Variants in LITAFD observed in about 807,000 individuals in gnomAD.
LITAFD encodes the protein LITAF domain containing.
At chr16:8,884,844 G>C (rs7205894) in intron 3 of LITAFD, among the ~76,000 whole-genome samples, 61,624 of 152,020 alleles carry the variant, frequency 0.41, 12,793 homozygotes, top group Middle Eastern at 0.52. Flanking sequence ...CAGCACTTTG[G>C]GAGGCCGAGG....
chr16:8,882,946 C>T (rs1306614216), intron 1 of LITAFD, among the ~76,000 whole-genome samples: 8 of 152,182 alleles, frequency 5.3e-5, no homozygotes, highest in Non-Finnish European at 1.0e-4. Context: ...AGTGATTCTC[C>T]TGCCTCGGCA....
intron 1 of LITAFD, among the ~76,000 whole-genome samples, 186 bp from the exon 2 acceptor site, chr16:8,883,024 T>C (rs1031228198): frequency 6.6e-6 from 1 of 152,004 alleles, no homozygotes; most frequent in Non-Finnish European, 1.5e-5. Flanking sequence ...GTAGTTGAGA[T>C]GGGGTTTCAC....
intron 3 of LITAFD, 141 bp downstream of exon 3, chr16:8,884,606 C>T (rs1420513484): frequency 1.3e-5 from 5 of 396,942 alleles, no homozygotes; most frequent in Non-Finnish European, 1.8e-5. Context: ...GGGGCCATTA[C>T]CTCCTTGAGA....
chr16:8,883,792 C>A (rs142219889), intron 2 of LITAFD, among the ~76,000 whole-genome samples: 1 of 152,148 alleles, frequency 6.6e-6, no homozygotes, highest in Non-Finnish European at 1.5e-5. Context: ...AGGTCAGGTG[C>A]GGTGGCTCAG....
At chr16:8,884,054 G>A (rs2061553725) in intron 2 of LITAFD, among the ~76,000 whole-genome samples, 1 of 152,162 alleles carries the variant, frequency 6.6e-6, no homozygotes. Context: ...GACAGAGTGA[G>A]ACTCCGTCTC....
Position 8,884,316 on chromosome 16 carries a change from C to A in LITAFD, c.-33-7C>A. 2.5e-6 allele frequency: 1 copy of A among 399,154 alleles called. No homozygotes were observed. Among genetic ancestry groups the A allele is most frequent in the South Asian group, 1.3e-4 (1 of 7,858 alleles). 24.7% of individuals were successfully genotyped at this position (399,154 alleles called of 1,614,324 possible). On this transcript the variant is annotated splice_region_variant and splice_polypyrimidine_tract_variant and intron_variant, in intron 2 of 3. Coordinates refer to ENST00000636296, the Ensembl canonical transcript of LITAFD. ...TCCCACCTGCTTCCCGCTTCCCACT[C>A]CCACAGCTGTATGCCGGCATGTCCG...
intron 2 of LITAFD, among the ~76,000 whole-genome samples, chr16:8,883,496 C>T (rs534152744): frequency 6.9e-4 from 105 of 152,192 alleles, no homozygotes; most frequent in African/African-American, 2.3e-3. Context: ...CAGTGGCCAC[C>T]GAAGCATCTC....
chr16:8,883,670 TA>T (rs1280417390), intron 2 of LITAFD, among the ~76,000 whole-genome samples: 3 of 152,164 alleles, frequency 2.0e-5, no homozygotes, highest in African/African-American at 7.2e-5. Context: ...TTTGGGAATT[TA>T]AACAAATTTT....
chr16:8,884,538 G>C (rs911431398), intron 3 of LITAFD, 73 bp downstream of exon 3: 1 of 398,186 alleles, frequency 2.5e-6, no homozygotes, highest in Non-Finnish European at 4.4e-6. Context: ...GTCCCTGCAG[G>C]GTAGGGGGAG....
At chr16:8,883,089 C>G (rs182767792) in intron 1 of LITAFD, 121 bp from the exon 2 acceptor site, 1 of 152,386 alleles carries the variant, frequency 6.6e-6, no homozygotes, top group Admixed American at 6.5e-5. Flanking sequence ...GCTGCCTTGG[C>G]CTCCCAAAGT....
At chr16:8,885,269 G>A (rs1596339257) in exon 4 of LITAFD, 4 of 399,078 alleles carry the variant, frequency 1.0e-5, no homozygotes, top group Non-Finnish European at 1.8e-5. Flanking sequence ...GTGTCAGCGC[G>A]AGCTCTTCTA....
intron 3 of LITAFD, 73 bp downstream of exon 3, chr16:8,884,538 G>T: frequency 2.5e-6 from 1 of 398,186 alleles, no homozygotes; most frequent in Non-Finnish European, 4.4e-6. Context: ...GTCCCTGCAG[G>T]GTAGGGGGAG....
chr16:8,883,077 C>T (rs1221161711), intron 1 of LITAFD, 133 bp from the exon 2 acceptor site: 2 of 152,234 alleles, frequency 1.3e-5, no homozygotes, highest in African/African-American at 4.8e-5. Flanking sequence ...CTCGGGTGCT[C>T]TGCTGCCTTG....
intron 3 of LITAFD, 178 bp from the exon 4 acceptor site, chr16:8,885,009 G>T (rs1482709195): frequency 2.5e-6 from 1 of 398,698 alleles, no homozygotes; most frequent in Non-Finnish European, 4.4e-6. Context: ...GGAGGCAGAG[G>T]TTGCAGTGAG....
chr16:8,884,626 A>G (rs1484361526), intron 3 of LITAFD, among the ~76,000 whole-genome samples, 161 bp downstream of exon 3: 1 of 152,194 alleles, frequency 6.6e-6, no homozygotes, highest in African/African-American at 2.4e-5. Flanking sequence ...AGGAGGCGGC[A>G]GCCCTCTGAC....
chr16:8,884,046 C>A (rs1210781103), intron 2 of LITAFD, among the ~76,000 whole-genome samples: 1 of 152,178 alleles, frequency 6.6e-6, no homozygotes, highest in East Asian at 1.9e-4. Context: ...GCCTGGACGA[C>A]AGAGTGAGAC....
chr16:8,884,044 G>A (rs763194737), intron 2 of LITAFD, among the ~76,000 whole-genome samples: 5 of 152,120 alleles, frequency 3.3e-5, no homozygotes, highest in Admixed American at 6.6e-5. Flanking sequence ...CAGCCTGGAC[G>A]ACAGAGTGAG....
intron 1 of LITAFD, 95 bp from the exon 2 acceptor site, chr16:8,883,115 G>A (rs764219271): frequency 6.6e-6 from 1 of 152,168 alleles, no homozygotes; most frequent in Non-Finnish European, 1.5e-5. Flanking sequence ...GATTACAGGT[G>A]TGAGCCACTG....
At chr16:8,882,996 C>T (rs1048772136) in intron 1 of LITAFD, among the ~76,000 whole-genome samples, 9 of 152,136 alleles carry the variant, frequency 5.9e-5, no homozygotes, top group African/African-American at 1.2e-4. Flanking sequence ...CCACTGTGCC[C>T]GGCTAATTTT....
Sources: gnomAD v4.1 joint callset for allele counts (sites outside exome capture counted in the v4.1 genomes callset) on GRCh38, gnomAD v4.1.1 for gene constraint, MANE v1.5 for transcripts, NCBI Gene and HGNC (gene_info 2026-07-23, HGNC 2026-07-21) for gene names.